SYCP1: variants seen among roughly 807,000 people sequenced by gnomAD.
SYCP1 encodes the protein synaptonemal complex protein 1, also known as cancer/testis antigen 8.
In SYCP1, 64 loss-of-function variants were observed where a neutral mutation model predicts 153.1. The ratio of observed to expected loss-of-function variants is 0.42; its 90% confidence interval spans 0.34 to 0.51. The LOEUF (loss-of-function observed/expected upper bound fraction) is 0.51, where lower values mean the gene tolerates loss of function less well. Ranked by LOEUF, SYCP1 falls within the 20% of genes least tolerant of loss-of-function variation. The pLI, the probability that SYCP1 is intolerant of heterozygous loss-of-function variation, is 0.06. For missense variants in SYCP1, 997 were observed against 1,049.0 expected (o/e 0.95, Z 0.68); for synonymous variants, 384 against 341.8 (o/e 1.12, Z -1.36).
chr1:114,911,083 T>G (rs932560951), intron 17 of SYCP1, among the ~76,000 whole-genome samples: 6 of 151,940 alleles, frequency 3.9e-5, no homozygotes, highest in Non-Finnish European at 8.8e-5. Context: ...CTTTTTACAA[T>G]AATAAGAACA....
At chr1:114,876,204 C>T (rs1003326073) in intron 10 of SYCP1, 66 bp downstream of exon 10, 23 of 1,095,502 alleles carry the variant, frequency 2.1e-5, no homozygotes, top group Admixed American at 2.1e-4. Context: ...TATCAGATTC[C>T]GTTAATGTCT....
intron 23 of SYCP1, among the ~76,000 whole-genome samples, chr1:114,939,840 A>T (rs2101802009): frequency 6.6e-6 from 1 of 152,348 alleles, no homozygotes; most frequent in East Asian, 1.9e-4. Context: ...AGTTCTGTTT[A>T]TGCAAAGGCT....
intron 18 of SYCP1, 38 bp from the exon 19 acceptor site, chr1:114,912,995 G>A: frequency 7.1e-7 from 1 of 1,401,646 alleles, no homozygotes; most frequent in Non-Finnish European, 9.9e-7. Flanking sequence ...CATTACATTT[G>A]TAAATATTTT....
intron 23 of SYCP1, among the ~76,000 whole-genome samples, chr1:114,933,929 G>A (rs934514261): frequency 4.6e-5 from 7 of 152,064 alleles, no homozygotes; most frequent in South Asian, 2.1e-4. Flanking sequence ...CCAAATCTAC[G>A]TCTGATTGGT....
chr1:114,929,401 A>G (rs551872590), intron 23 of SYCP1, among the ~76,000 whole-genome samples: 1 of 152,112 alleles, frequency 6.6e-6, no homozygotes, highest in South Asian at 2.1e-4. Flanking sequence ...AAAAGGCAGA[A>G]ATGGTCATGC....
Position 114,977,602 on chromosome 1 carries a change from G to GA in SYCP1, c.2376dup (p.Asp793ArgfsTer13), listed in dbSNP as rs745637836. On this transcript the variant is annotated frameshift_variant, in exon 28 of 32. Transcript: ENST00000369522. LOFTEE classifies it high-confidence loss of function. ...AAAAGAAAACACAGCTACTCTTAAA[G>GA]AAAAAAAAGACAAGGTAAGAGCATA... 4.1e-5 allele frequency: 62 copies of GA among 1,496,232 alleles called. No homozygotes were observed. Among genetic ancestry groups the GA allele is most frequent in the African/African-American group, 5.8e-5 (4 of 69,558 alleles). 92.7% of individuals were successfully genotyped at this position (1,496,232 alleles called of 1,614,324 possible).
At chr1:114,894,532 T>C (rs1375575058) in intron 15 of SYCP1, among the ~76,000 whole-genome samples, 1 of 152,178 alleles carries the variant, frequency 6.6e-6, no homozygotes, top group African/African-American at 2.4e-5. Context: ...GATTTTTCAA[T>C]TTATTAGCAT....
At chr1:114,868,116 AT>A (rs1664883302) in intron 8 of SYCP1, among the ~76,000 whole-genome samples, 1 of 151,446 alleles carries the variant, frequency 6.6e-6, no homozygotes, top group Non-Finnish European at 1.5e-5. Flanking sequence ...GTTGTGTTGT[AT>A]AATTTTTTTT....
intron 16 of SYCP1, among the ~76,000 whole-genome samples, chr1:114,897,594 T>C (rs1453197177): frequency 1.3e-5 from 2 of 152,136 alleles, no homozygotes; most frequent in Admixed American, 6.5e-5. Flanking sequence ...GGAGGATGCA[T>C]CTGAGGGGAA....
intron 27 of SYCP1, among the ~76,000 whole-genome samples, chr1:114,958,622 A>G (rs1225976567): frequency 6.6e-6 from 1 of 151,938 alleles, no homozygotes; most frequent in Non-Finnish European, 1.5e-5. Context: ...ATTCAGTTTT[A>G]AAAGTTCTTT....
intron 30 of SYCP1, among the ~76,000 whole-genome samples, chr1:114,990,178 A>G (rs1673828346): frequency 1.3e-5 from 2 of 152,104 alleles, no homozygotes; most frequent in African/African-American, 4.8e-5. Context: ...TTAGAAATCA[A>G]TAAGATAAGG....
In SYCP1 at chr1:114,868,670, T is replaced by C. The variant is rs557787960; in HGVS notation, c.599-5836T>C. Among the ~76,000 whole-genome samples, 3 of 152,352 alleles carry C rather than the reference T, an allele frequency of 2.0e-5. No homozygotes were observed. In the East Asian group the frequency reaches 5.8e-4, roughly 29 times the overall value. ...TGTTTGTAGAATTCACCAGTGAAGC[T>C]GGCAGGCCTGGTGCTTTCTGTTCTG... On this transcript the variant is annotated intron_variant, in intron 8 of 31. Transcript: ENST00000369522.
chr1:114,958,685 C>T (rs1671588918), intron 27 of SYCP1, among the ~76,000 whole-genome samples: 1 of 149,642 alleles, frequency 6.7e-6, no homozygotes, highest in Non-Finnish European at 1.5e-5. Flanking sequence ...CTTTGGGAGG[C>T]TGAGGCGGGC....
chr1:114,859,367 G>A (rs1044072464), intron 6 of SYCP1, among the ~76,000 whole-genome samples: 28 of 152,160 alleles, frequency 1.8e-4, no homozygotes, highest in Non-Finnish European at 2.5e-4. Flanking sequence ...GATTACAGGC[G>A]TGAGCCACTG....
chr1:114,913,635 A>G (rs1668325944), intron 19 of SYCP1, among the ~76,000 whole-genome samples: 1 of 152,090 alleles, frequency 6.6e-6, no homozygotes, highest in Non-Finnish European at 1.5e-5. Flanking sequence ...AGAATATAGC[A>G]TTGATTTTGG....
chr1:114,946,761 T>A (rs1225387615), intron 26 of SYCP1, among the ~76,000 whole-genome samples: 1 of 152,044 alleles, frequency 6.6e-6, no homozygotes, highest in Non-Finnish European at 1.5e-5. Context: ...GTTTTTTGAG[T>A]TGGAGTCTTT....
At chr1:114,872,868 T>C (rs1665248839) in intron 8 of SYCP1, among the ~76,000 whole-genome samples, 1 of 152,174 alleles carries the variant, frequency 6.6e-6, no homozygotes, top group African/African-American at 2.4e-5. Flanking sequence ...TTGTCTAGGC[T>C]GGTCTCCAAC....
In SYCP1 at chr1:114,856,599, T is replaced by A; in HGVS notation, c.135T>A (p.Asp45Glu). 6.2e-7 allele frequency: 1 copy of A among 1,611,740 alleles called. No individual in the cohort carries two copies. Among genetic ancestry groups the A allele is most frequent in the South Asian group, 1.1e-5 (1 of 90,606 alleles). Residue 45 changes from aspartate (D) to glutamate (E), a missense_variant, in exon 3 of 32, where the codon GAT (aspartate) becomes GAA (glutamate). Asp to Glu is a conservative substitution (Grantham distance 45). Around this residue, in one of 2 missense-constraint regions of SYCP1, gnomAD observed 285 missense variants for 366.1 expected, o/e 0.78. Coordinates refer to ENST00000369522, the MANE Select transcript of SYCP1 (RefSeq NM_003176.4). ...FKSFNKCTED[D>E]FEFPFAKTNL... ...GTTTCAACAAATGTACTGAAGATGA[T>A]TTTGAGTTTCCATTTGCAAAGACTA...
chr1:114,994,407 C>T (rs938586654), intron 30 of SYCP1, among the ~76,000 whole-genome samples: 1 of 151,326 alleles, frequency 6.6e-6, no homozygotes, highest in Non-Finnish European at 1.5e-5. Context: ...AAATGCTACT[C>T]GCTATACATG....
Sources: gnomAD v4.1 joint callset for allele counts (sites outside exome capture counted in the v4.1 genomes callset) on GRCh38, gnomAD v4.1.1 for gene constraint, gnomAD v4.1.1 regional missense constraint, MANE v1.5 for transcripts, NCBI Gene and HGNC (gene_info 2026-07-23, HGNC 2026-07-21) for gene names.